ADK: variants seen among roughly 807,000 people sequenced by gnomAD.
ADK encodes the protein N6,N6-dimethyladenosine kinase.
Under a neutral mutation model 44.7 loss-of-function variants are expected in ADK, and 24 were observed. That is an observed-to-expected ratio of 0.54 (90% CI 0.39 to 0.76). ADK has a LOEUF of 0.76. ADK is among the 30% of genes least tolerant of loss of function. ADK has a pLI of 0.00. For missense variants in ADK, 321 were observed against 425.1 expected (o/e 0.76, Z 2.15); for synonymous variants, 128 against 142.6 (o/e 0.90, Z 0.73).
intron 6 of ADK, among the ~76,000 whole-genome samples, chr10:74,437,065 C>A (rs533396933): frequency 1.3e-5 from 2 of 151,934 alleles, no homozygotes; most frequent in Admixed American, 6.6e-5. Flanking sequence ...AAATCTAAAG[C>A]CTTTTTAAAT....
At chr10:74,554,250 C>T (rs1405270904) in intron 7 of ADK, among the ~76,000 whole-genome samples, 1 of 152,044 alleles carries the variant, frequency 6.6e-6, no homozygotes, top group Non-Finnish European at 1.5e-5. Flanking sequence ...AAGAATATGT[C>T]TAACATATGT....
chr10:74,606,365 CCTGTG>C (rs1346812036), intron 9 of ADK, among the ~76,000 whole-genome samples: 1 of 152,182 alleles, frequency 6.6e-6, no homozygotes, highest in Non-Finnish European at 1.5e-5. Flanking sequence ...CCCGCTTTCT[CCTGTG>C]GGCATTTAGT....
At chr10:74,495,712 C>A (rs1847660982) in intron 6 of ADK, among the ~76,000 whole-genome samples, 1 of 152,124 alleles carries the variant, frequency 6.6e-6, no homozygotes, top group Non-Finnish European at 1.5e-5. Context: ...TCTTTCCTAG[C>A]CTACCTTCCC....
intron 9 of ADK, among the ~76,000 whole-genome samples, chr10:74,665,298 G>A (rs1854905046): frequency 6.6e-6 from 1 of 152,074 alleles, no homozygotes; most frequent in Admixed American, 6.6e-5. Flanking sequence ...ATAAGCAATG[G>A]CATAAGAATG....
chr10:74,228,875 C>G lies in ADK; in HGVS notation c.194+4284C>G, dbSNP rs191369315. Reference sequence around the variant, plus strand: ...ATCCATACTACTTAACACAGAGTAACCTGGTATCTGAAGATTTTTTTTTTG... The same window carrying G: ...ATCCATACTACTTAACACAGAGTAAGCTGGTATCTGAAGATTTTTTTTTTG... On this transcript the variant is annotated intron_variant, in intron 3 of 10. Transcript: ENST00000539909. Among the ~76,000 whole-genome samples, 138 of 152,094 alleles carry G rather than the reference C, an allele frequency of 9.1e-4. 1 individual carries two copies. The highest frequency in any genetic ancestry group is 2.5e-4 in the Non-Finnish European group (17 of 67,972).
intron 4 of ADK, among the ~76,000 whole-genome samples, chr10:74,376,369 T>C (rs571338728): frequency 6.6e-6 from 1 of 152,250 alleles, no homozygotes; most frequent in South Asian, 2.1e-4. Flanking sequence ...AGTTTTTCAT[T>C]TTAATTATTT....
At chr10:74,541,653 C>T (rs1849628778) in intron 7 of ADK, among the ~76,000 whole-genome samples, 1 of 151,496 alleles carries the variant, frequency 6.6e-6, no homozygotes, top group Non-Finnish European at 1.5e-5. Context: ...ATTCACCAGG[C>T]ATGATGGCAC....
intron 6 of ADK, among the ~76,000 whole-genome samples, chr10:74,458,034 A>G (rs369189273): frequency 6.6e-6 from 1 of 151,826 alleles, no homozygotes; most frequent in Non-Finnish European, 1.5e-5. Context: ...TAATAATAAA[A>G]TTTTAAAAAG....
Position 74,322,815 on chromosome 10 carries a change from T to A in ADK, c.273+8070T>A, listed in dbSNP as rs575600243. Among the ~76,000 whole-genome samples the A allele has an allele frequency of 5.3e-5, 8 of 151,236 alleles. No homozygotes were observed. In the South Asian group the frequency reaches 1.7e-3, roughly 32 times the overall value. On this transcript the variant is annotated intron_variant, in intron 4 of 10. Transcript: ENST00000539909. ...CCTCCCTTCCTCACATCTCTTTCCC[T>A]TCTCCTCCTACCCTTCCTCTTCCCT...
chr10:74,498,256 C>T (rs898685012), intron 6 of ADK, among the ~76,000 whole-genome samples: 1 of 152,178 alleles, frequency 6.6e-6, no homozygotes, highest in Non-Finnish European at 1.5e-5. Flanking sequence ...GTAAGTACAT[C>T]TTTTTATATT....
intron 3 of ADK, among the ~76,000 whole-genome samples, chr10:74,254,056 C>T (rs773653376): frequency 7.9e-5 from 12 of 151,952 alleles, no homozygotes; most frequent in Non-Finnish European, 1.6e-4. Context: ...TGTGAGACAC[C>T]GTGCCTGGCC....
intron 9 of ADK, among the ~76,000 whole-genome samples, chr10:74,643,857 T>C (rs2134106289): frequency 6.6e-6 from 1 of 152,334 alleles, no homozygotes; most frequent in South Asian, 2.1e-4. Flanking sequence ...TTCTACTGCC[T>C]GTTCACACAC....
intron 9 of ADK, among the ~76,000 whole-genome samples, chr10:74,669,675 C>G (rs1855099825): frequency 6.6e-6 from 1 of 152,124 alleles, no homozygotes; most frequent in African/African-American, 2.4e-5. Context: ...AGTATTTTAA[C>G]AGAATAATAG....
chr10:74,528,669 A>T (rs955813246), intron 7 of ADK, among the ~76,000 whole-genome samples: 2 of 152,212 alleles, frequency 1.3e-5, no homozygotes, highest in Non-Finnish European at 2.9e-5. Flanking sequence ...TAACAACTCA[A>T]CAATAAGCAA....
At chr10:74,439,558 T>C (rs1188085145) in intron 6 of ADK, among the ~76,000 whole-genome samples, 1 of 152,178 alleles carries the variant, frequency 6.6e-6, no homozygotes, top group Admixed American at 6.5e-5. Flanking sequence ...CAAAAGAGTT[T>C]ATCAGCCTAC....
intron 7 of ADK, chr10:74,528,153 G>T: frequency 9.8e-7 from 1 of 1,023,638 alleles, no homozygotes; most frequent in Non-Finnish European, 1.4e-6. Context: ...GTATAGATCA[G>T]AAGTTTCACT....
At chr10:74,600,255 A>C in intron 8 of ADK, 124 bp from the exon 9 acceptor site, 1 of 625,378 alleles carries the variant, frequency 1.6e-6, no homozygotes, top group South Asian at 1.8e-5. Flanking sequence ...AGAAATTTTT[A>C]ATGTCTCTTA....
chr10:74,525,817 G>A (rs1849015372), intron 7 of ADK, among the ~76,000 whole-genome samples: 1 of 152,004 alleles, frequency 6.6e-6, no homozygotes, highest in Non-Finnish European at 1.5e-5. Context: ...ACCATGCCCA[G>A]CTAAATTTTG....
At chr10:74,509,655 G>T (rs946327234) in intron 6 of ADK, 2 of 151,960 alleles carry the variant, frequency 1.3e-5, no homozygotes. Context: ...TAGTCATCCT[G>T]CAGAGGTATA....
Sources: allele counts gnomAD v4.1 joint callset (sites outside exome capture counted in the v4.1 genomes callset), GRCh38; gene constraint gnomAD v4.1.1; transcripts MANE v1.5; gene names NCBI Gene and HGNC (gene_info 2026-07-23, HGNC 2026-07-21).